SOX1: variants seen among roughly 807,000 people sequenced by gnomAD.
SOX1 encodes transcription factor SOX-1.
SOX1 carries 1 observed loss-of-function variant against 0.9 expected under a neutral mutation model. The observed-to-expected ratio is 1.07, with a 90% CI of 0.38 to 5.06. SOX1 has a LOEUF of 5.06. SOX1 is among the 30% of genes most tolerant of loss of function. The pLI is 0.16. For missense variants in SOX1, 564 were observed against 534.4 expected (o/e 1.06, Z -0.55); for synonymous variants, 397 against 265.5 (o/e 1.50, Z -4.81).
Position 112,068,339 on chromosome 13 carries a change from C to T in SOX1, c.681C>T (p.His227=), listed in dbSNP as rs1008309426. ...PGAGGAHPHA[H]PAHPHPHHPH... ...CGGGCGGCGCGCACCCGCACGCGCA[C>T]CCCGCGCACCCGCACCCGCACCACC... The change falls in exon 1 of 1, where the codon CAC becomes CAT. Residue 227 remains histidine (H), a synonymous_variant. Transcript: ENST00000330949. The surrounding 1 kb of genome is among the most constrained non-coding windows in gnomAD (Gnocchi z 6.9). The T allele has an allele frequency of 6.7e-6, 8 of 1,199,180 alleles. No individual in the cohort carries two copies. The highest frequency in any genetic ancestry group is 5.0e-5 in the African/African-American group (3 of 59,584). The allele number at this position is 1,199,180 out of a possible 1,614,324, so 74.3% of individuals were successfully genotyped here.
chr13:112,067,766 G>T lies in SOX1; in HGVS notation c.108G>T (p.Gly36=), dbSNP rs1195123787. The change falls in exon 1 of 1, where the codon GGG becomes GGT. Residue 36 remains glycine, a synonymous_variant. Coordinates refer to ENST00000330949, the MANE Select transcript of SOX1 (RefSeq NM_005986.3). The surrounding 1 kb of genome is among the most constrained non-coding windows in gnomAD (Gnocchi z 5.1). ...CGGGCGGCGGCGGGGGCGGAGGCGGGGGCGGCGGCGGCGGCGGGGGCGCCA... is the reference window on the plus strand; with the variant it reads ...CGGGCGGCGGCGGGGGCGGAGGCGGTGGCGGCGGCGGCGGCGGGGGCGCCA... ...AGAGGGGGGG[G]GGGGGGGAKA... 30 of 1,273,738 alleles carry T rather than the reference G, an allele frequency of 2.4e-5. No individual in the cohort carries two copies. In the Admixed American group the frequency reaches 5.3e-4, roughly 22 times the overall value. The allele number at this position is 1,273,738 out of a possible 1,614,324, so 78.9% of individuals were successfully genotyped here. A position where few individuals can be genotyped will look rare whatever the true frequency, so the allele number is the denominator to read the frequency against.
Position 112,067,838 on chromosome 13 carries a change from G to T in SOX1, c.180G>T (p.Val60=). 1 of 1,600,490 alleles carries T rather than the reference G, an allele frequency of 6.2e-7. No homozygotes were observed. Among genetic ancestry groups the T allele is most frequent in the Non-Finnish European group, 8.5e-7 (1 of 1,173,474 alleles). The change falls in exon 1 of 1, where the codon GTG becomes GTT. Residue 60 remains valine, a synonymous_variant. Coordinates refer to ENST00000330949, the MANE Select transcript of SOX1 (RefSeq NM_005986.3). This position sits in a 1 kb window ranked among gnomAD's most constrained non-coding sequence, Gnocchi z 5.1. ...RVKRPMNAFM[V]WSRGQRRKMA... ...AACGGCCCATGAACGCCTTCATGGT[G>T]TGGTCCCGCGGGCAGCGGCGCAAGA... is the stretch of plus-strand genomic sequence containing the variant.
In SOX1 at chr13:112,068,588, C is replaced by G. The variant is rs1880798445; in HGVS notation, c.930C>G (p.Ala310=). 9.1e-7 allele frequency: 1 copy of G among 1,101,772 alleles called. No homozygotes were observed. Among genetic ancestry groups the G allele is most frequent in the Non-Finnish European group, 1.1e-6 (1 of 907,102 alleles). 68.2% of individuals were successfully genotyped at this position (1,101,772 alleles called of 1,614,324 possible). ...CGGCGGCGGCCGCGTCGTCGGGCGCCCTGGGCGCGCTGGGCTCTCTGGTGA... is the reference window on the plus strand; with the variant it reads ...CGGCGGCGGCCGCGTCGTCGGGCGCGCTGGGCGCGCTGGGCTCTCTGGTGA... ...AAAAAAASSG[A]LGALGSLVKS... The change falls in exon 1 of 1, where the codon GCC becomes GCG. Residue 310 remains alanine (A), a synonymous_variant. Coordinates refer to ENST00000330949, the MANE Select transcript of SOX1 (RefSeq NM_005986.3). The surrounding 1 kb of genome is among the most constrained non-coding windows in gnomAD (Gnocchi z 6.9).
chr13:112,068,203 C>G lies in SOX1; in HGVS notation c.545C>G (p.Ala182Gly), dbSNP rs1363432099. ...SPGGAAGGGY[A>G]HVNGWANGAY... is the part of the protein sequence containing the mutation. Reference sequence around the variant, plus strand: ...GGCGGCGCGGCGGGCGGCGGCTACGCGCACGTCAACGGCTGGGCCAACGGC... The same window carrying G: ...GGCGGCGCGGCGGGCGGCGGCTACGGGCACGTCAACGGCTGGGCCAACGGC... The change falls in exon 1 of 1, where the codon GCG (alanine) becomes GGG (glycine). Residue 182 changes from alanine to glycine, a missense_variant. Ala to Gly is a moderately conservative substitution (Grantham distance 60). Transcript: ENST00000330949. This position sits in a 1 kb window ranked among gnomAD's most constrained non-coding sequence, Gnocchi z 6.9. 1.2e-5 allele frequency: 9 copies of G among 775,598 alleles called. No homozygotes were observed. The highest frequency in any genetic ancestry group is 6.2e-5 in the Admixed American group (1 of 16,140). The allele number at this position is 775,598 out of a possible 1,614,324, so 48.0% of individuals were successfully genotyped here.
In SOX1 at chr13:112,071,360, C is replaced by G. The variant is rs933288672; in HGVS notation, c.*2526C>G. ...CTTCGTGCACAGTCAGCTGAAATAGCCAATGCCAGGTGCTCCAACCACCTT... is the reference window on the plus strand; with the variant it reads ...CTTCGTGCACAGTCAGCTGAAATAGGCAATGCCAGGTGCTCCAACCACCTT... On this transcript the variant is annotated 3_prime_UTR_variant, in exon 1 of 1. Transcript: ENST00000330949. Among the ~76,000 whole-genome samples, 7 of 152,202 alleles carry G rather than the reference C, an allele frequency of 4.6e-5. No homozygotes were observed. The highest frequency in any genetic ancestry group is 8.8e-5 in the Non-Finnish European group (6 of 68,050).
rs1298688051 is a variant in SOX1 at position 112,067,950 on chromosome 13, C to A, written c.292C>A (p.Arg98=). The A allele has an allele frequency of 6.2e-7, 1 of 1,607,272 alleles. No individual in the cohort carries two copies. Among genetic ancestry groups the A allele is most frequent in the Non-Finnish European group, 8.5e-7 (1 of 1,176,576 alleles). The stretch of plus-strand genomic sequence containing the variant: ...GAAGGTCATGTCCGAGGCCGAGAAG[C>A]GGCCGTTCATCGACGAGGCCAAGCG... ...EWKVMSEAEK[R]PFIDEAKRLR... The change falls in exon 1 of 1, where the codon CGG becomes AGG. Residue 98 remains arginine (R), a synonymous_variant. Coordinates refer to ENST00000330949, the MANE Select transcript of SOX1 (RefSeq NM_005986.3). This position sits in a 1 kb window ranked among gnomAD's most constrained non-coding sequence, Gnocchi z 5.1.
Position 112,068,045 on chromosome 13 carries a change from G to A in SOX1, c.387G>A (p.Leu129=), listed in dbSNP as rs760194208. Residue 129 remains leucine (L), a synonymous_variant, in exon 1 of 1, where the codon CTG becomes CTA. Transcript: ENST00000330949. This position sits in a 1 kb window ranked among gnomAD's most constrained non-coding sequence, Gnocchi z 6.9. ...KYRPRRKTKT[L]LKKDKYSLAG... Reference sequence around the variant, plus strand: ...GGCCGCGCCGCAAGACCAAGACGCTGCTCAAGAAGGACAAGTACTCGCTGG... The same window carrying A: ...GGCCGCGCCGCAAGACCAAGACGCTACTCAAGAAGGACAAGTACTCGCTGG... 6.2e-7 allele frequency: 1 copy of A among 1,600,304 alleles called. No homozygotes were observed. The highest frequency in any genetic ancestry group is 1.1e-5 in the South Asian group (1 of 89,954).
rs1261258870 is a variant in SOX1, at chr13:112,070,365, T to C, written c.*1531T>C. On this transcript the variant is annotated 3_prime_UTR_variant, in exon 1 of 1. Coordinates refer to ENST00000330949, the MANE Select transcript of SOX1 (RefSeq NM_005986.3). Reference sequence around the variant, plus strand: ...TGAGGTTGTTTGATGCTTTAAATTTTTTAATTATATTATTTTCTAGGTGTT... The same window carrying C: ...TGAGGTTGTTTGATGCTTTAAATTTCTTAATTATATTATTTTCTAGGTGTT... The C allele has an allele frequency of 6.0e-6, 1 of 167,048 alleles. No homozygotes were observed. The highest frequency in any genetic ancestry group is 1.9e-4 in the East Asian group (1 of 5,200). The allele number at this position is 167,048 out of a possible 1,614,324, so 10.3% of individuals were successfully genotyped here. A position where few individuals can be genotyped will look rare whatever the true frequency, so the allele number is the denominator to read the frequency against.
chr13:112,068,066 G>T lies in SOX1; in HGVS notation c.408G>T (p.Ser136=), dbSNP rs1594123612. The change falls in exon 1 of 1, where the codon TCG becomes TCT. Residue 136 remains serine, a synonymous_variant. Coordinates refer to ENST00000330949, the MANE Select transcript of SOX1 (RefSeq NM_005986.3). This position sits in a 1 kb window ranked among gnomAD's most constrained non-coding sequence, Gnocchi z 6.9. ...TKTLLKKDKY[S]LAGGLLAAGA... ...CGCTGCTCAAGAAGGACAAGTACTC[G>T]CTGGCCGGCGGGCTCCTGGCGGCCG... 1 of 1,577,150 alleles carries T rather than the reference G, an allele frequency of 6.3e-7. No individual in the cohort carries two copies.
Position 112,069,207 on chromosome 13 carries a change from T to G in SOX1, c.*373T>G. 2 of 168,174 alleles carry G rather than the reference T, an allele frequency of 1.2e-5. No homozygotes were observed. The highest frequency in any genetic ancestry group is 2.9e-5 in the Non-Finnish European group (2 of 68,818). 10.4% of individuals were successfully genotyped at this position (168,174 alleles called of 1,614,324 possible). ...TTGTATACCGGCCGGCGCGCTCACT[T>G]TCCTCCGCGTTGCTTCCGGACGGCG... On this transcript the variant is annotated 3_prime_UTR_variant, in exon 1 of 1. Coordinates refer to ENST00000330949, the MANE Select transcript of SOX1 (RefSeq NM_005986.3).
Position 112,068,464 on chromosome 13 carries a change from C to T in SOX1, c.806C>T (p.Ser269Leu), listed in dbSNP as rs1334996603. ...AACTCGCAGGGCTACATGAGCGCGT[C>T]GCCCTCGGGCTACGGCGGCCTCCCC... The part of the protein sequence containing the change: ...ISNSQGYMSA[S>L]PSGYGGLPYG... The change falls in exon 1 of 1, where the codon TCG (serine) becomes TTG (leucine). Residue 269 changes from serine (S) to leucine (L), a missense_variant. By Grantham distance (145) the Ser-to-Leu change is moderately radical. Coordinates refer to ENST00000330949, the MANE Select transcript of SOX1 (RefSeq NM_005986.3). The surrounding 1 kb of genome is among the most constrained non-coding windows in gnomAD (Gnocchi z 6.9). The T allele has an allele frequency of 1.7e-6, 2 of 1,180,948 alleles. No individual in the cohort carries two copies. Among genetic ancestry groups the T allele is most frequent in the Non-Finnish European group, 2.1e-6 (2 of 937,408 alleles). 73.2% of individuals were successfully genotyped at this position (1,180,948 alleles called of 1,614,324 possible).
Position 112,068,121 on chromosome 13 carries a change from ATGGGCG to A in SOX1, c.482_487del (p.Val161_Gly162del), listed in dbSNP as rs554658976. On this transcript the variant is annotated inframe_deletion, in exon 1 of 1. Transcript: ENST00000330949. The surrounding 1 kb of genome is among the most constrained non-coding windows in gnomAD (Gnocchi z 6.9). ...GGGTGGCGGCGGCGCGGCTGTGGCC[ATGGGCG>A]TGGGCGTGGGCGTGGGCGCGGCGGC... The A allele has an allele frequency of 0.076, 98,904 of 1,296,914 alleles. 4,936 individuals are homozygous for A. The highest frequency in any genetic ancestry group is 0.09 in the African/African-American group (5,599 of 62,000). The allele number at this position is 1,296,914 out of a possible 1,614,324, so 80.3% of individuals were successfully genotyped here. A position where few individuals can be genotyped will look rare whatever the true frequency, so the allele number is the denominator to read the frequency against.
In SOX1 at chr13:112,068,551, C is replaced by T. The variant is rs1289937225; in HGVS notation, c.893C>T (p.Ala298Val). The T allele has an allele frequency of 3.6e-6, 3 of 835,120 alleles. No homozygotes were observed. Among genetic ancestry groups the T allele is most frequent in the East Asian group, 1.2e-4 (1 of 8,282 alleles). The allele number at this position is 835,120 out of a possible 1,614,324, so 51.7% of individuals were successfully genotyped here. Residue 298 changes from alanine (A) to valine (V), a missense_variant, in exon 1 of 1, where the codon GCG (alanine) becomes GTG (valine). Physicochemically the swap from Ala to Val is moderately conservative, Grantham distance 64 (BLOSUM62 0). Transcript: ENST00000330949. The surrounding 1 kb of genome is among the most constrained non-coding windows in gnomAD (Gnocchi z 6.9). ...AGGAHQNSAVAAAAAAAAASS... is the reference protein window; with the variant it reads ...AGGAHQNSAVVAAAAAAAASS... ...GGCGCGCACCAGAACTCGGCCGTGG[C>T]GGCGGCGGCGGCGGCGGCGGCCGCG...
rs1875870369 is a variant in SOX1 at position 112,071,366 on chromosome 13, C to T, written c.*2532C>T. ...GCACAGTCAGCTGAAATAGCCAATGCCAGGTGCTCCAACCACCTTATTTCC... is the reference window on the plus strand; with the variant it reads ...GCACAGTCAGCTGAAATAGCCAATGTCAGGTGCTCCAACCACCTTATTTCC... On this transcript the variant is annotated 3_prime_UTR_variant, in exon 1 of 1. Coordinates refer to ENST00000330949, the MANE Select transcript of SOX1 (RefSeq NM_005986.3). Among the ~76,000 whole-genome samples, 2 of 152,226 alleles carry T rather than the reference C, an allele frequency of 1.3e-5. 1 individual carries two copies. Among genetic ancestry groups the T allele is most frequent in the Admixed American group, 1.3e-4 (2 of 15,284 alleles).
Position 112,067,820 on chromosome 13 carries a change from C to T in SOX1, c.162C>T (p.Pro54=), listed in dbSNP as rs368703682. 3.2e-6 allele frequency: 5 copies of T among 1,581,496 alleles called. No individual in the cohort carries two copies. The highest frequency in any genetic ancestry group is 2.8e-5 in the African/African-American group (2 of 72,466). The change falls in exon 1 of 1, where the codon CCC becomes CCT. Residue 54 remains proline (P), a synonymous_variant. Coordinates refer to ENST00000330949, the MANE Select transcript of SOX1 (RefSeq NM_005986.3). This position sits in a 1 kb window ranked among gnomAD's most constrained non-coding sequence, Gnocchi z 5.1. Reference sequence around the variant, plus strand: ...CCAACCAGGACCGGGTCAAACGGCCCATGAACGCCTTCATGGTGTGGTCCC... The same window carrying T: ...CCAACCAGGACCGGGTCAAACGGCCTATGAACGCCTTCATGGTGTGGTCCC... ...AKANQDRVKR[P]MNAFMVWSRG...
In SOX1 at chr13:112,068,349, CCGCACCCGCACCACCCGCACG is replaced by C. The variant is rs1277713927; in HGVS notation, c.703_723del (p.His235_His241del). The C allele has an allele frequency of 1.2e-5, 15 of 1,235,518 alleles. No homozygotes were observed. The highest frequency in any genetic ancestry group is 3.1e-5 in the Admixed American group (1 of 32,276). The allele number at this position is 1,235,518 out of a possible 1,614,324, so 76.5% of individuals were successfully genotyped here. On this transcript the variant is annotated inframe_deletion, in exon 1 of 1. Transcript: ENST00000330949. This position sits in a 1 kb window ranked among gnomAD's most constrained non-coding sequence, Gnocchi z 6.9. The stretch of plus-strand genomic sequence containing the variant: ...GCACCCGCACGCGCACCCCGCGCAC[CCGCACCCGCACCACCCGCACG>C]CGCACCCGCACAACCCGCAGCCCAT...
Position 112,068,415 on chromosome 13 carries a change from G to T in SOX1, c.757G>T (p.Ala253Ser), listed in dbSNP as rs1266821135. Residue 253 changes from alanine to serine, a missense_variant, in exon 1 of 1, where the codon GCG becomes TCG. Ala to Ser is a moderately conservative substitution (Grantham distance 99, BLOSUM62 1). Coordinates refer to ENST00000330949, the MANE Select transcript of SOX1 (RefSeq NM_005986.3). This position sits in a 1 kb window ranked among gnomAD's most constrained non-coding sequence, Gnocchi z 6.9. ...PQPMHRYDMGALQYSPISNSQ... is the reference protein window; with the variant it reads ...PQPMHRYDMGSLQYSPISNSQ... Reference sequence around the variant, plus strand: ...GCCCATGCACCGCTACGACATGGGCGCGCTGCAGTACAGCCCCATCTCCAA... The same window carrying T: ...GCCCATGCACCGCTACGACATGGGCTCGCTGCAGTACAGCCCCATCTCCAA... 2.3e-6 allele frequency: 3 copies of T among 1,297,398 alleles called. No individual in the cohort carries two copies. The highest frequency in any genetic ancestry group is 1.4e-5 in the South Asian group (1 of 72,758). The allele number at this position is 1,297,398 out of a possible 1,614,324, so 80.4% of individuals were successfully genotyped here.
chr13:112,068,680 G>A lies in SOX1; in HGVS notation c.1022G>A (p.Arg341His). The stretch of plus-strand genomic sequence containing the variant: ...CGGGCGCCGTGCCCCGGGGACCTGC[G>A]CGAGATGATCAGCATGTACTTGCCC... ...HSRAPCPGDL[R>H]EMISMYLPAG... The change falls in exon 1 of 1, where the codon CGC becomes CAC. Residue 341 changes from arginine to histidine, a missense_variant. Arg to His is a conservative substitution (Grantham distance 29). Coordinates refer to ENST00000330949, the MANE Select transcript of SOX1 (RefSeq NM_005986.3). This position sits in a 1 kb window ranked among gnomAD's most constrained non-coding sequence, Gnocchi z 6.9. The A allele has an allele frequency of 8.5e-7, 1 of 1,172,586 alleles. No individual in the cohort carries two copies. Among genetic ancestry groups the A allele is most frequent in the Non-Finnish European group, 1.1e-6 (1 of 950,194 alleles). The allele number at this position is 1,172,586 out of a possible 1,614,324, so 72.6% of individuals were successfully genotyped here. A position where few individuals can be genotyped will look rare whatever the true frequency, so the allele number is the denominator to read the frequency against.
rs1437027424 is a variant in SOX1 at position 112,068,767 on chromosome 13, C to T, written c.1109C>T (p.Ser370Leu). The change falls in exon 1 of 1, where the codon TCG (serine) becomes TTG (leucine). Residue 370 changes from serine (S) to leucine (L), a missense_variant. Transcript: ENST00000330949. This position sits in a 1 kb window ranked among gnomAD's most constrained non-coding sequence, Gnocchi z 6.9. ...AAAAAQSRLH[S>L]LPQHYQGAGA... ...GCCGCGGCGCAGAGCCGGCTGCACT[C>T]GCTGCCGCAGCACTACCAGGGCGCG... 1 of 1,211,696 alleles carries T rather than the reference C, an allele frequency of 8.3e-7. No individual in the cohort carries two copies. The allele number at this position is 1,211,696 out of a possible 1,614,324, so 75.1% of individuals were successfully genotyped here. A position where few individuals can be genotyped will look rare whatever the true frequency, so the allele number is the denominator to read the frequency against.
Sources: allele counts gnomAD v4.1 joint callset (sites outside exome capture counted in the v4.1 genomes callset), GRCh38; gene constraint gnomAD v4.1.1; non-coding constraint Gnocchi (gnomAD v3.1); transcripts MANE v1.5; gene names NCBI Gene and HGNC (gene_info 2026-07-23, HGNC 2026-07-21).